The following KCNIP4 variants were observed in gnomAD, a reference collection of about 807,000 sequenced individuals.
KCNIP4 encodes Kv channel-interacting protein 4.
Under a neutral mutation model 34.0 loss-of-function variants are expected in KCNIP4, and 12 were observed. The ratio of observed to expected loss-of-function variants is 0.35; its 90% CI spans 0.23 to 0.57. KCNIP4 has a LOEUF of 0.57. KCNIP4 is among the 20% of genes least tolerant of loss of function. The pLI is 0.83. For synonymous variants in KCNIP4, 124 were observed against 102.2 expected, an observed-to-expected ratio of 1.21 and a Z score of -1.29; for missense variants, 238 against 311.7, an observed-to-expected ratio of 0.76 and a Z score of 1.78.
At chr4:20,818,338 A>G (rs561748095) in intron 3 of KCNIP4, among the ~76,000 whole-genome samples, 1 of 152,326 alleles carries the variant, frequency 6.6e-6, no homozygotes, top group South Asian at 2.1e-4. Context: ...TCATGATTTT[A>G]ACCCAAAATG....
Position 21,695,837 on chromosome 4 carries a change from G to A in KCNIP4, c.61+252734C>T, listed in dbSNP as rs977996974. Among the ~76,000 whole-genome samples, 9 of 152,086 alleles carry A rather than the reference G, an allele frequency of 5.9e-5. 1 individual carries two copies. Among genetic ancestry groups the A allele is most frequent in the Admixed American group, 5.2e-4 (8 of 15,272 alleles). ...TATAAAATATTTCTCTAATTTCATA[G>A]CAAGGTAAAAGATCACCTCTTGCTC... On this transcript the variant is annotated intron_variant, in intron 1 of 8. Coordinates refer to ENST00000382152, the MANE Select transcript of KCNIP4 (RefSeq NM_025221.6).
At chr4:21,419,421 A>T (rs1725253069) in intron 1 of KCNIP4, among the ~76,000 whole-genome samples, 1 of 152,132 alleles carries the variant, frequency 6.6e-6, no homozygotes, top group African/African-American at 2.4e-5. Flanking sequence ...GGTGGAGATT[A>T]TTGAGTTAGG....
At chr4:20,944,954 T>C (rs1182583011) in intron 1 of KCNIP4, among the ~76,000 whole-genome samples, 2 of 152,228 alleles carry the variant, frequency 1.3e-5, no homozygotes, top group African/African-American at 4.8e-5. Flanking sequence ...CCAATGATCC[T>C]AGCCAAAATA....
chr4:21,427,399 G>A (rs780364087), intron 1 of KCNIP4, among the ~76,000 whole-genome samples: 1 of 151,752 alleles, frequency 6.6e-6, no homozygotes, highest in Admixed American at 6.6e-5. Context: ...CTTTTTAGCA[G>A]CATTGTGACT....
At chr4:21,574,718 CAG>C (rs1203310603) in intron 1 of KCNIP4, among the ~76,000 whole-genome samples, 1 of 152,114 alleles carries the variant, frequency 6.6e-6, no homozygotes, top group African/African-American at 2.4e-5. Flanking sequence ...CCAAGACTAA[CAG>C]AAGCTAAAAC....
chr4:21,313,114 T>G (rs1713367225), intron 1 of KCNIP4, among the ~76,000 whole-genome samples: 1 of 152,224 alleles, frequency 6.6e-6, no homozygotes, highest in Non-Finnish European at 1.5e-5. Flanking sequence ...GACACAAAGT[T>G]GTCTGATGCA....
intron 1 of KCNIP4, among the ~76,000 whole-genome samples, chr4:21,279,115 A>G (rs1250989110): frequency 6.6e-6 from 1 of 152,234 alleles, no homozygotes; most frequent in Admixed American, 6.5e-5. Context: ...GAAAGCTTAT[A>G]TTAGGTTGGT....
At chr4:20,736,115 C>T (rs1010732444) in intron 5 of KCNIP4, among the ~76,000 whole-genome samples, 1 of 152,186 alleles carries the variant, frequency 6.6e-6, no homozygotes. Flanking sequence ...CCTTCCTGGA[C>T]CCAGCCACCT....
chr4:20,978,855 C>A (rs1370303701), intron 1 of KCNIP4, among the ~76,000 whole-genome samples: 1 of 152,110 alleles, frequency 6.6e-6, no homozygotes, highest in East Asian at 1.9e-4. Flanking sequence ...TTTAATTGAT[C>A]TCTATATTCT....
intron 1 of KCNIP4, among the ~76,000 whole-genome samples, chr4:21,448,704 A>T (rs777606775): frequency 2.6e-5 from 4 of 152,118 alleles, no homozygotes; most frequent in Non-Finnish European, 5.9e-5. Flanking sequence ...GGCCAAGGGT[A>T]TGGAGGGACA....
At chr4:21,535,004 A>G (rs1737029692) in intron 1 of KCNIP4, among the ~76,000 whole-genome samples, 1 of 151,798 alleles carries the variant, frequency 6.6e-6, no homozygotes, top group African/African-American at 2.4e-5. Flanking sequence ...ATTCCATCTC[A>G]TTCCATTTTT....
intron 1 of KCNIP4, among the ~76,000 whole-genome samples, chr4:21,927,708 C>T (rs1037954039): frequency 1.3e-5 from 2 of 152,054 alleles, no homozygotes; most frequent in South Asian, 2.1e-4. Flanking sequence ...GTCGCATTAC[C>T]TTGTTTCTAA....
chr4:21,710,368 C>T (rs971530339), intron 1 of KCNIP4, among the ~76,000 whole-genome samples: 1 of 152,180 alleles, frequency 6.6e-6, no homozygotes, highest in Admixed American at 6.5e-5. Context: ...CAGGACCCTG[C>T]CATCGTGGTG....
chr4:21,318,473 G>A (rs1714024135), intron 1 of KCNIP4, among the ~76,000 whole-genome samples: 2 of 152,058 alleles, frequency 1.3e-5, no homozygotes, highest in African/African-American at 4.8e-5. Context: ...ATTCACTTAA[G>A]CCACTGACTT....
intron 1 of KCNIP4, among the ~76,000 whole-genome samples, chr4:21,524,763 C>A (rs919766110): frequency 7.9e-5 from 12 of 152,138 alleles, no homozygotes; most frequent in Non-Finnish European, 1.8e-4. Context: ...GCCATGAAAG[C>A]AAAGAGTGCT....
chr4:21,799,692 A>G (rs925378134), intron 1 of KCNIP4, among the ~76,000 whole-genome samples: 1 of 152,200 alleles, frequency 6.6e-6, no homozygotes, highest in Non-Finnish European at 1.5e-5. Context: ...CCCTTAGAAC[A>G]GCATTGAAGA....
chr4:21,285,880 A>G (rs1763091613), intron 1 of KCNIP4, among the ~76,000 whole-genome samples: 1 of 152,156 alleles, frequency 6.6e-6, no homozygotes. Flanking sequence ...ACACAAAAGC[A>G]TGGCTTGATG....
chr4:21,139,133 G>T (rs17445800), intron 1 of KCNIP4, among the ~76,000 whole-genome samples: 14,458 of 152,086 alleles, frequency 0.095, 832 homozygotes, highest in East Asian at 0.19. Flanking sequence ...TCTTTAAAAA[G>T]AATCCCACAT....
chr4:21,040,135 C>T (rs28676894), intron 1 of KCNIP4, among the ~76,000 whole-genome samples: 4,221 of 152,228 alleles, frequency 0.028, 179 homozygotes, highest in African/African-American at 0.095. Flanking sequence ...CAATCACCTC[C>T]TACCAGGTCT....
Sources: allele counts gnomAD v4.1 joint callset (sites outside exome capture counted in the v4.1 genomes callset), GRCh38; gene constraint gnomAD v4.1.1; transcripts MANE v1.5; gene names NCBI Gene and HGNC (gene_info 2026-07-23, HGNC 2026-07-21).